GRID1: variants seen among roughly 807,000 people sequenced by gnomAD.
GRID1 encodes the protein glutamate ionotropic receptor delta type subunit 1.
In GRID1, 28 loss-of-function variants were observed where a neutral mutation model predicts 98.0. That is an observed-to-expected ratio of 0.29 (90% CI 0.21 to 0.39). The LOEUF (loss-of-function observed/expected upper bound fraction) is 0.39, where lower values mean the gene tolerates loss of function less well. Among genes scored for constraint, GRID1 ranks in the 10% least tolerant of loss-of-function variants. The pLI, the probability that GRID1 is intolerant of heterozygous loss-of-function variation, is 1.00. For synonymous variants in GRID1, 553 were observed against 538.5 expected, an observed-to-expected ratio of 1.03 and a Z score of -0.37; for missense variants, 1,111 against 1,340.5, an observed-to-expected ratio of 0.83 and a Z score of 2.67.
intron 8 of GRID1, among the ~76,000 whole-genome samples, chr10:85,804,688 G>T (rs1220484347): frequency 2.0e-5 from 3 of 151,680 alleles, no homozygotes; most frequent in African/African-American, 7.3e-5. Context: ...AAAAAAATCA[G>T]TCAATATAAT....
intron 2 of GRID1, among the ~76,000 whole-genome samples, chr10:86,346,955 T>C (rs1214977856): frequency 6.6e-6 from 1 of 152,170 alleles, no homozygotes; most frequent in Non-Finnish European, 1.5e-5. Flanking sequence ...TAGTGAGGGC[T>C]ATGTGTGAGA....
At chr10:86,031,425 G>A (rs1843184322) in intron 4 of GRID1, among the ~76,000 whole-genome samples, 1 of 152,082 alleles carries the variant, frequency 6.6e-6, no homozygotes, top group South Asian at 2.1e-4. Flanking sequence ...GGCAGGAGGA[G>A]GGTCAAGGGT....
At chr10:86,187,764 G>A (rs188759692) in intron 3 of GRID1, among the ~76,000 whole-genome samples, 6 of 152,266 alleles carry the variant, frequency 3.9e-5, no homozygotes, top group East Asian at 3.9e-4. Flanking sequence ...GGCCATTATC[G>A]GCTCATTTCC....
chr10:85,787,226 G>A (rs115146535), intron 8 of GRID1, among the ~76,000 whole-genome samples: 71 of 152,286 alleles, frequency 4.7e-4, no homozygotes, highest in African/African-American at 1.7e-3. Flanking sequence ...GAAGGGTTTG[G>A]TAAATGTGCC....
intron 12 of GRID1, among the ~76,000 whole-genome samples, chr10:85,694,512 G>A (rs1841367519): frequency 7.6e-6 from 1 of 131,330 alleles, no homozygotes; most frequent in African/African-American, 2.8e-5. Context: ...CAACTTAAAT[G>A]TCCATCAACT....
chr10:85,620,418 G>A (rs1237206822), intron 13 of GRID1, among the ~76,000 whole-genome samples: 2 of 151,414 alleles, frequency 1.3e-5, no homozygotes, highest in African/African-American at 2.4e-5. Context: ...GATCAGAAAT[G>A]TTGGGGAGAA....
chr10:86,033,805 C>T lies in GRID1; in HGVS notation c.726+105014G>A, dbSNP rs116862194. ...ATGGAAATGGTAACCACTCCTACCA[C>T]AGCAACAAGTGCCCAATTCCCACCA... is the stretch of plus-strand genomic sequence containing the variant. On this transcript the variant is annotated intron_variant, in intron 4 of 15. Coordinates refer to ENST00000327946, the MANE Select transcript of GRID1 (RefSeq NM_017551.3). 1.6e-3 allele frequency among the ~76,000 whole-genome samples: 245 copies of T among 152,354 alleles called. 1 individual carries two copies. Among genetic ancestry groups the T allele is most frequent in the Non-Finnish European group, 2.8e-3 (192 of 68,036 alleles).
At chr10:86,353,540 T>G (rs2132118393) in intron 2 of GRID1, among the ~76,000 whole-genome samples, 2 of 137,436 alleles carry the variant, frequency 1.5e-5, no homozygotes, top group South Asian at 2.6e-4. Context: ...GTTCCTCCCG[T>G]TCCAGCAGTG....
In GRID1 at chr10:85,875,015, G is replaced by A. The variant is rs186914037; in HGVS notation, c.781-5835C>T. On this transcript the variant is annotated intron_variant, in intron 5 of 15. Coordinates refer to ENST00000327946, the MANE Select transcript of GRID1 (RefSeq NM_017551.3). ...TGAGTAGCTGGGACTACAGTCGCAT[G>A]CCACTACGCCTGGCTATTTTTATTT... Among the ~76,000 whole-genome samples, 3 of 152,154 alleles carry A rather than the reference G, an allele frequency of 2.0e-5. No individual in the cohort carries two copies. The East Asian group carries it at 5.8e-4, about 29-fold the overall frequency.
chr10:85,641,929 C>T (rs1229773310), intron 13 of GRID1, among the ~76,000 whole-genome samples: 1 of 152,156 alleles, frequency 6.6e-6, no homozygotes, highest in African/African-American at 2.4e-5. Context: ...TTAAATGGTG[C>T]AGAGCTGCAG....
intron 8 of GRID1, among the ~76,000 whole-genome samples, chr10:85,760,873 T>C (rs1158292166): frequency 6.6e-6 from 1 of 152,178 alleles, no homozygotes; most frequent in Non-Finnish European, 1.5e-5. Flanking sequence ...CATCAAACTT[T>C]ACCCAAAGCA....
chr10:85,755,188 G>A (rs1048349167), intron 8 of GRID1, among the ~76,000 whole-genome samples: 8 of 152,098 alleles, frequency 5.3e-5, no homozygotes, highest in African/African-American at 7.2e-5. Context: ...TCAAACTTGC[G>A]CAAGCATTTC....
At chr10:86,329,370 A>T (rs969869819) in intron 2 of GRID1, among the ~76,000 whole-genome samples, 1 of 152,132 alleles carries the variant, frequency 6.6e-6, no homozygotes, top group African/African-American at 2.4e-5. Flanking sequence ...CGCCAACCCC[A>T]ACTAGCCAGA....
intron 8 of GRID1, among the ~76,000 whole-genome samples, chr10:85,770,600 C>A (rs1008680099): frequency 3.9e-5 from 6 of 152,084 alleles, no homozygotes; most frequent in African/African-American, 1.4e-4. Flanking sequence ...GAATGTATAA[C>A]TAGAATAACC....
intron 4 of GRID1, among the ~76,000 whole-genome samples, chr10:86,046,604 G>A (rs1843427750): frequency 6.6e-6 from 1 of 152,100 alleles, no homozygotes; most frequent in Non-Finnish European, 1.5e-5. Context: ...CCCCCCATGA[G>A]TTGGTCTAAT....
chr10:85,685,937 C>T (rs1375989012), intron 12 of GRID1, among the ~76,000 whole-genome samples: 1 of 150,792 alleles, frequency 6.6e-6, no homozygotes, highest in African/African-American at 2.4e-5. Flanking sequence ...ATAAAAGTAA[C>T]TAAAGAAAAA....
At chr10:85,728,177 C>T (rs1245435384) in intron 9 of GRID1, 125 bp from the exon 10 acceptor site, 11 of 725,716 alleles carry the variant, frequency 1.5e-5, no homozygotes, top group Non-Finnish European at 2.6e-5. Context: ...GGACTTCAGG[C>T]TCAACTTCTC....
intron 4 of GRID1, among the ~76,000 whole-genome samples, chr10:86,024,922 T>C (rs1033866755): frequency 2.0e-5 from 3 of 152,120 alleles, no homozygotes; most frequent in Non-Finnish European, 1.5e-5. Flanking sequence ...CATCCTAGGA[T>C]GTCATCTGGG....
chr10:86,364,712 C>T (rs1201583864), intron 1 of GRID1, among the ~76,000 whole-genome samples: 2 of 152,256 alleles, frequency 1.3e-5, no homozygotes, highest in Non-Finnish European at 2.9e-5. Context: ...CAGCCTCCTA[C>T]TCTCCATCCT....
Sources: allele counts gnomAD v4.1 joint callset (sites outside exome capture counted in the v4.1 genomes callset), GRCh38; gene constraint gnomAD v4.1.1; transcripts MANE v1.5; gene names NCBI Gene and HGNC (gene_info 2026-07-23, HGNC 2026-07-21).